The following ATE1 variants were observed in gnomAD, a reference collection of about 807,000 sequenced individuals.
ATE1 encodes arginyl-tRNA--protein transferase 1.
In ATE1, 36 loss-of-function variants were observed where a neutral mutation model predicts 70.5. That is an observed-to-expected ratio of 0.51 (90% CI 0.39 to 0.67). ATE1 has a LOEUF of 0.67. ATE1 is among the 30% of genes least tolerant of loss of function. ATE1 has a pLI of 0.00. For missense variants in ATE1, 593 were observed against 629.5 expected, an observed-to-expected ratio of 0.94 and a Z score of 0.62; for synonymous variants, 232 against 219.3, an observed-to-expected ratio of 1.06 and a Z score of -0.51.
intron 11 of ATE1, among the ~76,000 whole-genome samples, chr10:121,779,797 C>T (rs369680834): frequency 3.9e-5 from 6 of 152,258 alleles, no homozygotes; most frequent in Admixed American, 6.5e-5. Context: ...ATTTTTAAGC[C>T]ACGATTCTAG....
chr10:121,878,571 C>T (rs1950131213), intron 7 of ATE1, among the ~76,000 whole-genome samples: 1 of 147,670 alleles, frequency 6.8e-6, no homozygotes, highest in Non-Finnish European at 1.5e-5. Context: ...CCAGCCTGGG[C>T]GACAGAGGGA....
At chr10:121,920,600 G>A (rs533413469) in intron 3 of ATE1, among the ~76,000 whole-genome samples, 2 of 152,172 alleles carry the variant, frequency 1.3e-5, no homozygotes, top group East Asian at 3.9e-4. Flanking sequence ...TCTATGTTAG[G>A]GTGAGGTGAG....
chr10:121,863,252 C>CTTTT (rs1162295975), intron 8 of ATE1, among the ~76,000 whole-genome samples: 5 of 127,336 alleles, frequency 3.9e-5, no homozygotes, highest in African/African-American at 6.2e-5. Flanking sequence ...CTGAAGTCTA[C>CTTTT]TTTTTTTTTT....
chr10:121,906,095 T>C (rs117872293), intron 5 of ATE1, among the ~76,000 whole-genome samples: 83 of 152,266 alleles, frequency 5.5e-4, no homozygotes, highest in Non-Finnish European at 1.1e-3. Flanking sequence ...ATTTTTTAAA[T>C]TAAAATGGAA....
Position 121,791,055 on chromosome 10 carries a change from CGTGTGTGTGTGTGTGT to C in ATE1, c.1258-782_1258-767del, listed in dbSNP as rs71189171. ...GTATATATGTGTATATATATGTATA[CGTGTGTGTGTGTGTGT>C]GTGTGTGTGTGTGTGTGTATATATA... On this transcript the variant is annotated intron_variant, in intron 10 of 11. Coordinates refer to ENST00000224652, the MANE Select transcript of ATE1 (RefSeq NM_001001976.3). Among the ~76,000 whole-genome samples the C allele has an allele frequency of 4.2e-4, 57 of 135,854 alleles. 1 individual carries two copies. Among genetic ancestry groups the C allele is most frequent in the South Asian group, 3.7e-3 (16 of 4,330 alleles). The allele number at this position is 135,854 out of a possible 152,430, so 89.1% of individuals were successfully genotyped here. A position where few individuals can be genotyped will look rare whatever the true frequency, so the allele number is the denominator to read the frequency against.
At chr10:121,889,776 G>T (rs956915101) in intron 7 of ATE1, among the ~76,000 whole-genome samples, 1 of 151,534 alleles carries the variant, frequency 6.6e-6, no homozygotes. Flanking sequence ...CCATGCTACT[G>T]TACTCCAGCC....
chr10:121,800,946 T>C (rs1472730125), intron 10 of ATE1, among the ~76,000 whole-genome samples: 1 of 152,198 alleles, frequency 6.6e-6, no homozygotes, highest in East Asian at 1.9e-4. Flanking sequence ...GACCCCTTGC[T>C]CCCTGATTTC....
intron 3 of ATE1, among the ~76,000 whole-genome samples, chr10:121,915,900 A>C (rs1951633251): frequency 1.4e-5 from 2 of 148,024 alleles, no homozygotes; most frequent in South Asian, 4.3e-4. Flanking sequence ...CAAAAAAAAA[A>C]CAAAACAAAA....
intron 10 of ATE1, among the ~76,000 whole-genome samples, chr10:121,822,542 A>T (rs1947840275): frequency 6.6e-6 from 1 of 152,182 alleles, no homozygotes. Context: ...CACCTCAATA[A>T]GTTTACTTAA....
chr10:121,749,094 ATC>A (rs1944481076), intron 11 of ATE1, among the ~76,000 whole-genome samples: 1 of 152,196 alleles, frequency 6.6e-6, no homozygotes, highest in African/African-American at 2.4e-5. Flanking sequence ...GCACAGAAAC[ATC>A]TAATAATATG....
intron 10 of ATE1, among the ~76,000 whole-genome samples, chr10:121,796,347 T>G (rs1010220652): frequency 9.8e-5 from 15 of 152,296 alleles, no homozygotes; most frequent in Admixed American, 9.2e-4. Flanking sequence ...TTATTATTAA[T>G]TAAACATTTT....
Position 121,911,094 on chromosome 10 carries a change from T to C in ATE1, c.395A>G (p.Asn132Ser). The change falls in exon 5 of 12, where the codon AAT becomes AGT. Residue 132 changes from asparagine (N) to serine (S), a missense_variant. Physicochemically the swap from Asn to Ser is conservative, Grantham distance 46. Coordinates refer to ENST00000224652, the MANE Select transcript of ATE1 (RefSeq NM_001001976.3). ...DAVAGDFALI[N>S]KLDIQCDLKT... is the part of the protein sequence containing the mutation. The stretch of plus-strand genomic sequence containing the variant: ...AAGATCACACTGTATATCCAGTTTA[T>C]TTATCAATGCAAAGTCACCCGCAAC... The C allele has an allele frequency of 1.2e-6, 2 of 1,611,852 alleles. No homozygotes were observed. The highest frequency in any genetic ancestry group is 1.7e-6 in the Non-Finnish European group (2 of 1,179,622).
intron 10 of ATE1, among the ~76,000 whole-genome samples, chr10:121,833,709 T>G (rs1435062865): frequency 6.6e-6 from 1 of 152,132 alleles, no homozygotes; most frequent in Non-Finnish European, 1.5e-5. Flanking sequence ...ATTCTCTAGT[T>G]GGTCAGTGTT....
intron 11 of ATE1, among the ~76,000 whole-genome samples, chr10:121,761,970 T>C (rs1037515268): frequency 6.6e-6 from 1 of 152,196 alleles, no homozygotes; most frequent in South Asian, 2.1e-4. Context: ...AGCATTTACT[T>C]AATGGCCATT....
chr10:121,781,647 A>T (rs7478619), intron 11 of ATE1, among the ~76,000 whole-genome samples: 143,791 of 152,310 alleles, frequency 0.94, 68,106 homozygotes, highest in Non-Finnish European at 0.98. Flanking sequence ...GTGTTGCAAG[A>T]TCTGCTTTTG....
At chr10:121,914,282 G>A (rs1012968919) in intron 3 of ATE1, among the ~76,000 whole-genome samples, 8 of 152,066 alleles carry the variant, frequency 5.3e-5, no homozygotes, top group African/African-American at 1.7e-4. Context: ...GGTCAGGCTG[G>A]TCTCAAACTC....
At position 121,742,177 on chromosome 10, in the gene ATE1, T is replaced by C. The variant is rs1944169429; in HGVS notation, c.*1503A>G. The C allele has an allele frequency of 6.6e-6, 1 of 152,202 alleles. No individual in the cohort carries two copies. The highest frequency in any genetic ancestry group is 2.1e-4 in the South Asian group (1 of 4,830). The allele number at this position is 152,202 out of a possible 1,614,324, so 9.4% of individuals were successfully genotyped here. ...ACCTTGGCAGGTGTGACACACACAC[T>C]CTGAATGAAGAAATGCGGCTGACTT... On this transcript the variant is annotated 3_prime_UTR_variant, in exon 12 of 12. Coordinates refer to ENST00000224652, the MANE Select transcript of ATE1 (RefSeq NM_001001976.3).
chr10:121,798,489 C>A (rs1946744887), intron 10 of ATE1, among the ~76,000 whole-genome samples: 1 of 152,194 alleles, frequency 6.6e-6, no homozygotes, highest in Non-Finnish European at 1.5e-5. Context: ...TTGAACAATG[C>A]CACTTTGGTG....
At chr10:121,911,221 C>A in intron 4 of ATE1, 70 bp from the exon 5 acceptor site, 1 of 1,536,362 alleles carries the variant, frequency 6.5e-7, no homozygotes, top group South Asian at 1.2e-5. Flanking sequence ...TACAGAAATA[C>A]AATGTTCCTA....
Sources: allele counts gnomAD v4.1 joint callset (sites outside exome capture counted in the v4.1 genomes callset), GRCh38; gene constraint gnomAD v4.1.1; transcripts MANE v1.5; gene names NCBI Gene and HGNC (gene_info 2026-07-23, HGNC 2026-07-21).